The following SMARCA4 variants were observed in gnomAD, a reference collection of about 807,000 sequenced individuals.
The protein encoded by SMARCA4 is SWI/SNF-related matrix-associated actin-dependent regulator of chromatin subfamily A member 4.
A neutral mutation model predicts 193.9 loss-of-function variants in SMARCA4; 31 were observed. That is an observed-to-expected ratio of 0.16 (90% CI 0.12 to 0.22). The LOEUF (loss-of-function observed/expected upper bound fraction) is 0.22, where lower values mean the gene tolerates loss of function less well. Among genes scored for constraint, SMARCA4 ranks in the 10% least tolerant of loss-of-function variants. The pLI is 1.00. For synonymous variants in SMARCA4, 942 were observed against 933.1 expected (o/e 1.01, Z -0.17); for missense variants, 1,148 against 2,296.0 (o/e 0.50, Z 10.22).
At chr19:10,961,371 CG>C (rs2083785721) in intron 1 of SMARCA4, 197 bp downstream of exon 1, 3 of 147,962 alleles carry the variant, frequency 2.0e-5, no homozygotes, top group African/African-American at 7.4e-5. Flanking sequence ...GCCGTGGCAG[CG>C]GCGGCCCCCG....
chr19:11,029,645 T>C (rs971057474), intron 24 of SMARCA4, among the ~76,000 whole-genome samples: 2 of 152,220 alleles, frequency 1.3e-5, no homozygotes, highest in African/African-American at 4.8e-5. Flanking sequence ...TGGGCATGTG[T>C]AGGCTGGTGG....
chr19:10,963,249 G>A (rs1006772544), intron 1 of SMARCA4, among the ~76,000 whole-genome samples: 2 of 151,552 alleles, frequency 1.3e-5, no homozygotes, highest in Non-Finnish European at 2.9e-5. Context: ...GGCATGCACC[G>A]GTGGTCCCAA....
chr19:11,013,750 T>G (rs143901883), intron 16 of SMARCA4, among the ~76,000 whole-genome samples: 65 of 152,120 alleles, frequency 4.3e-4, no homozygotes, highest in Middle Eastern at 6.8e-3. Context: ...CATTGAACAG[T>G]CTCTACTTCC....
In SMARCA4 at chr19:11,058,797, C is replaced by T. The variant is rs1166347946; in HGVS notation, c.4543C>T (p.Arg1515Cys). ...CTCCCGTCCACTGCAGGAGCGCATT[C>T]GCAACCACAAGTACCGCAGCCTCAA... is the stretch of plus-strand genomic sequence containing the variant. ...VDFKKIKERI[R>C]NHKYRSLNDL... is the part of the protein sequence containing the mutation. Residue 1515 changes from arginine to cysteine, a missense_variant, in exon 32 of 35, where the codon CGC becomes TGC. Physicochemically the swap from Arg to Cys is radical, Grantham distance 180. Transcript: ENST00000344626. The surrounding 1 kb of genome is among the most constrained non-coding windows in gnomAD (Gnocchi z 5.8). 3 of 1,614,054 alleles carry T rather than the reference C, an allele frequency of 1.9e-6. No homozygotes were observed. Among genetic ancestry groups the T allele is most frequent in the Non-Finnish European group, 2.5e-6 (3 of 1,179,974 alleles).
chr19:11,052,504 A>G (rs2076316241), intron 30 of SMARCA4, among the ~76,000 whole-genome samples: 1 of 152,198 alleles, frequency 6.6e-6, no homozygotes, highest in Admixed American at 6.5e-5. Flanking sequence ...TGAGCAGCAC[A>G]TTCTCTGAGC....
In SMARCA4 at chr19:11,041,281, C is replaced by G. The variant is rs1274433803; in HGVS notation, c.4171-26C>G. On this transcript the variant is annotated intron_variant, in intron 29 of 34. Coordinates refer to ENST00000344626, the MANE Select transcript of SMARCA4 (RefSeq NM_003072.5). This position sits in a 1 kb window ranked among gnomAD's most constrained non-coding sequence, Gnocchi z 5.6. ...CTTGTCGACCTGGGTGCTGGCTGTC[C>G]TATTTTACTACTATTGACCCTGAAG... The G allele has an allele frequency of 1.3e-6, 2 of 1,586,880 alleles. No individual in the cohort carries two copies. The highest frequency in any genetic ancestry group is 1.7e-5 in the Admixed American group (1 of 59,038).
rs1555753146 is a variant in SMARCA4 at position 10,986,300 on chromosome 19, G to T, written c.467G>T (p.Gly156Val). ...GGGCCAGGAGGTGCCCCGCTGGATG[G>T]TGCTGACCCCCAGGCCTTGGGGCAG... ...SSGPGGAPLD[G>V]ADPQALGQQN... The change falls in exon 4 of 35, where the codon GGT (glycine) becomes GTT (valine). Residue 156 changes from glycine to valine, a missense_variant. By Grantham distance (109) the Gly-to-Val change is moderately radical (BLOSUM62 -3). This residue lies in a region of SMARCA4 where 201 missense variants were observed against 248.3 expected (regional missense o/e 0.81). Coordinates refer to ENST00000344626, the MANE Select transcript of SMARCA4 (RefSeq NM_003072.5). This position sits in a 1 kb window ranked among gnomAD's most constrained non-coding sequence, Gnocchi z 6.7. 6 of 1,613,742 alleles carry T rather than the reference G, an allele frequency of 3.7e-6. No individual in the cohort carries two copies. The highest frequency in any genetic ancestry group is 2.2e-5 in the East Asian group (1 of 44,876).
chr19:10,992,589 T>G (rs1363881001), intron 8 of SMARCA4, among the ~76,000 whole-genome samples: 1 of 151,844 alleles, frequency 6.6e-6, no homozygotes, highest in Non-Finnish European at 1.5e-5. Context: ...CACACCTGTT[T>G]GTTTTTTTCT....
chr19:11,041,636 T>C lies in SMARCA4; in HGVS notation c.4424+76T>C, dbSNP rs2075621216. The C allele has an allele frequency of 7.4e-7, 1 of 1,343,030 alleles. No homozygotes were observed. Among genetic ancestry groups the C allele is most frequent in the East Asian group, 2.3e-5 (1 of 42,944 alleles). 83.2% of individuals were successfully genotyped at this position (1,343,030 alleles called of 1,614,324 possible). Reference sequence around the variant, plus strand: ...AGGCCTGGCATCTGCACTCTGACTCTGCACACTCAGGCTTGGGCCGCTCAC... The same window carrying C: ...AGGCCTGGCATCTGCACTCTGACTCCGCACACTCAGGCTTGGGCCGCTCAC... On this transcript the variant is annotated intron_variant, in intron 30 of 34. Coordinates refer to ENST00000344626, the MANE Select transcript of SMARCA4 (RefSeq NM_003072.5). This position sits in a 1 kb window ranked among gnomAD's most constrained non-coding sequence, Gnocchi z 5.6.
At chr19:11,017,541 G>T (rs1310434611) in intron 16 of SMARCA4, among the ~76,000 whole-genome samples, 1 of 152,246 alleles carries the variant, frequency 6.6e-6, no homozygotes, top group African/African-American at 2.4e-5. Context: ...ACTGGGAATT[G>T]CTGCCTCCTG....
intron 19 of SMARCA4, among the ~76,000 whole-genome samples, chr19:11,023,283 G>A (rs953455507): frequency 2.6e-5 from 4 of 152,206 alleles, no homozygotes; most frequent in Non-Finnish European, 5.9e-5. Context: ...TGGGTACTGC[G>A]GTTCCATGTC....
intron 1 of SMARCA4, among the ~76,000 whole-genome samples, chr19:10,965,804 C>G (rs1169442706): frequency 6.6e-6 from 1 of 151,960 alleles, no homozygotes; most frequent in Non-Finnish European, 1.5e-5. Flanking sequence ...GTATTATGAT[C>G]TTTAAAAAAT....
At chr19:10,992,822 A>G (rs959985308) in intron 8 of SMARCA4, among the ~76,000 whole-genome samples, 9 of 151,770 alleles carry the variant, frequency 5.9e-5, no homozygotes, top group African/African-American at 1.9e-4. Flanking sequence ...CAGACTGTTG[A>G]CCTCGTGATC....
Position 11,031,256 on chromosome 19 carries a change from C to T in SMARCA4, c.3546+363C>T, listed in dbSNP as rs1367414553. ...TGTGCCCTGTGAGCACACACACTGG[C>T]GCTTGTTCAGACACAATTGGGGGTA... is the stretch of plus-strand genomic sequence containing the variant. On this transcript the variant is annotated intron_variant, in intron 25 of 34. Coordinates refer to ENST00000344626, the MANE Select transcript of SMARCA4 (RefSeq NM_003072.5). The surrounding 1 kb of genome is among the most constrained non-coding windows in gnomAD (Gnocchi z 4.3). The T allele has an allele frequency of 8.7e-6, 3 of 346,122 alleles. No homozygotes were observed. Among genetic ancestry groups the T allele is most frequent in the South Asian group, 2.6e-5 (1 of 37,760 alleles). The allele number at this position is 346,122 out of a possible 1,614,324, so 21.4% of individuals were successfully genotyped here.
At chr19:10,994,715 TC>T in intron 8 of SMARCA4, 112 bp from the exon 9 acceptor site, 2 of 911,956 alleles carry the variant, frequency 2.2e-6, no homozygotes, top group Non-Finnish European at 3.6e-6. Context: ...CTCCTCTGCC[TC>T]CCAAAGCGCT....
In SMARCA4 at chr19:11,059,901, G is replaced by A. The variant is rs151265814; in HGVS notation, c.4768+16G>A. On this transcript the variant is annotated intron_variant, in intron 33 of 34. Coordinates refer to ENST00000344626, the MANE Select transcript of SMARCA4 (RefSeq NM_003072.5). Reference sequence around the variant, plus strand: ...GAATCCGAATGTGAGTCCCGGGGGGGTTCAGGACGCCGGGGTTCACGCTGG... The same window carrying A: ...GAATCCGAATGTGAGTCCCGGGGGGATTCAGGACGCCGGGGTTCACGCTGG... 1.2e-6 allele frequency: 2 copies of A among 1,613,754 alleles called. No homozygotes were observed. Among genetic ancestry groups the A allele is most frequent in the Admixed American group, 1.7e-5 (1 of 60,032 alleles).
rs376354194 is a variant in SMARCA4, at chr19:10,979,928, G to A, written c.-31-4193G>A. On this transcript the variant is annotated intron_variant, in intron 1 of 34. Coordinates refer to ENST00000344626, the MANE Select transcript of SMARCA4 (RefSeq NM_003072.5). ...TCAAGCTGTTCACCTATGATCCTGC[G>A]ATCAGGGCATGTACAAGTCAGTGAG... 1.3e-3 allele frequency among the ~76,000 whole-genome samples: 192 copies of A among 152,238 alleles called. 1 individual carries two copies. Among genetic ancestry groups the A allele is most frequent in the African/African-American group, 4.4e-3 (181 of 41,556 alleles).
rs2086393363 is a variant in SMARCA4 at position 10,989,753 on chromosome 19, G to A, written c.1245+310G>A. Among the ~76,000 whole-genome samples, 4 of 150,294 alleles carry A rather than the reference G, an allele frequency of 2.7e-5. No individual in the cohort carries two copies. In the South Asian group the frequency reaches 8.4e-4, roughly 32 times the overall value. ...GTCTTGCTCTATCACCTAGGCTGGAGTGCAGTGGCATAAACTCTGCTCACT... is the reference window on the plus strand; with the variant it reads ...GTCTTGCTCTATCACCTAGGCTGGAATGCAGTGGCATAAACTCTGCTCACT... On this transcript the variant is annotated intron_variant, in intron 7 of 34. Transcript: ENST00000344626.
At chr19:11,010,591 G>A (rs2146242546) in intron 15 of SMARCA4, 60 bp downstream of exon 15, 7 of 1,560,526 alleles carry the variant, frequency 4.5e-6, no homozygotes, top group Non-Finnish European at 6.1e-6. Context: ...GTGTTCCCAG[G>A]TGGTGCGGGC....
Sources: gnomAD v4.1 joint callset for allele counts (sites outside exome capture counted in the v4.1 genomes callset) on GRCh38, gnomAD v4.1.1 for gene constraint, gnomAD v4.1.1 regional missense constraint, Gnocchi (gnomAD v3.1) non-coding constraint, MANE v1.5 for transcripts, NCBI Gene and HGNC (gene_info 2026-07-23, HGNC 2026-07-21) for gene names.